The following POLR1E variants were observed in gnomAD, a reference collection of about 807,000 sequenced individuals.
POLR1E encodes the protein RNA polymerase I subunit E.
In POLR1E, 37 loss-of-function variants were observed where a neutral mutation model predicts 50.9. The observed-to-expected ratio is 0.73, with a 90% CI of 0.56 to 0.96. The LOEUF is 0.96. Ranked by LOEUF, POLR1E falls within the 40% of genes least tolerant of loss-of-function variation. POLR1E has a pLI of 0.00. For missense variants in POLR1E, 426 were observed against 518.1 expected, an observed-to-expected ratio of 0.82 and a Z score of 1.73; for synonymous variants, 166 against 191.6, an observed-to-expected ratio of 0.87 and a Z score of 1.10.
chr9:37,496,978 T>C (rs78653449), intron 8 of POLR1E, among the ~76,000 whole-genome samples: 3,844 of 152,248 alleles, frequency 0.025, 66 homozygotes, highest in Middle Eastern at 0.071. Context: ...CATCTCTTAA[T>C]CCAGAAAAAA....
chr9:37,501,586 T>G (rs961608487), intron 10 of POLR1E, 127 bp from the exon 11 acceptor site: 42 of 1,206,636 alleles, frequency 3.5e-5, no homozygotes, highest in Non-Finnish European at 4.8e-5. Flanking sequence ...CACATTCCTT[T>G]TCCTTTCCTG....
intron 2 of POLR1E, 120 bp downstream of exon 2, chr9:37,486,926 A>G: frequency 8.5e-7 from 1 of 1,175,704 alleles, no homozygotes; most frequent in South Asian, 1.6e-5. Flanking sequence ...GGAGCTTTGA[A>G]GAACTCTGAT....
intron 2 of POLR1E, among the ~76,000 whole-genome samples, chr9:37,487,031 C>T (rs1820590037): frequency 6.6e-6 from 1 of 152,236 alleles, no homozygotes; most frequent in Non-Finnish European, 1.5e-5. Flanking sequence ...CATCCCTGTG[C>T]TGCAAGCTTC....
At chr9:37,502,604 CTCTG>C (rs1398158548) in intron 11 of POLR1E, among the ~76,000 whole-genome samples, 1 of 152,226 alleles carries the variant, frequency 6.6e-6, no homozygotes, top group African/African-American at 2.4e-5. Context: ...GTGAACACAC[CTCTG>C]TCTGGACTCT....
In POLR1E at chr9:37,486,283, G is replaced by A. The variant is rs577553448; in HGVS notation, c.76+160G>A. On this transcript the variant is annotated intron_variant, in intron 1 of 11. Transcript: ENST00000377798. ...GGGCTCTGTCAGGGCTCCCCTGTCC[G>A]TCTTTCTGTCACTACCTCCCAGCCA... 4.0e-5 allele frequency: 51 copies of A among 1,273,640 alleles called. 1 individual carries two copies. The South Asian group carries it at 6.5e-4, about 16-fold the overall frequency. 78.9% of individuals were successfully genotyped at this position (1,273,640 alleles called of 1,614,324 possible).
intron 2 of POLR1E, 60 bp downstream of exon 2, chr9:37,486,866 G>A: frequency 6.5e-7 from 1 of 1,542,482 alleles, no homozygotes; most frequent in Non-Finnish European, 8.7e-7. Context: ...CCCTGGGAGT[G>A]GGTGGATGTG....
chr9:37,488,299 G>C (rs1160154042), intron 3 of POLR1E, among the ~76,000 whole-genome samples: 1 of 152,176 alleles, frequency 6.6e-6, no homozygotes, highest in African/African-American at 2.4e-5. Flanking sequence ...AGTGTTGAAG[G>C]CTCTGGACTG....
intron 4 of POLR1E, chr9:37,492,327 A>G: frequency 7.6e-7 from 1 of 1,310,146 alleles, no homozygotes; most frequent in Non-Finnish European, 1.0e-6. Flanking sequence ...AGAGCCAAGG[A>G]CTTGTTTTCT....
At position 37,486,745 on chromosome 9, in the gene POLR1E, G is replaced by C. The variant is rs751337591; in HGVS notation, c.119G>C (p.Arg40Pro). 1 of 1,614,172 alleles carries C rather than the reference G, an allele frequency of 6.2e-7. No homozygotes were observed. The highest frequency in any genetic ancestry group is 8.5e-7 in the Non-Finnish European group (1 of 1,180,030). Reference protein sequence around the residue: ...NGKLQSPGNMRFTLYENKDST... With the variant: ...NGKLQSPGNMPFTLYENKDST... The stretch of plus-strand genomic sequence containing the variant: ...AAGCTACAGAGTCCAGGCAACATGC[G>C]CTTTACCTTGTATGAGAACAAAGAT... The change falls in exon 2 of 12, where the codon CGC (arginine) becomes CCC (proline). Residue 40 changes from arginine (R) to proline (P), a missense_variant. Physicochemically the swap from Arg to Pro is moderately radical, Grantham distance 103 (BLOSUM62 -2). Transcript: ENST00000377798.
At chr9:37,499,112 A>G (rs936596292) in intron 9 of POLR1E, among the ~76,000 whole-genome samples, 1 of 152,222 alleles carries the variant, frequency 6.6e-6, no homozygotes, top group Non-Finnish European at 1.5e-5. Context: ...CAGAAAAGGA[A>G]TAGTAAAACT....
At chr9:37,501,987 GA>G in intron 11 of POLR1E, 143 bp downstream of exon 11, 1 of 846,342 alleles carries the variant, frequency 1.2e-6, no homozygotes, top group Non-Finnish European at 1.8e-6. Flanking sequence ...TATTTTCAAT[GA>G]ATGAATCATT....
At chr9:37,488,377 G>A (rs867937440) in intron 3 of POLR1E, among the ~76,000 whole-genome samples, 1 of 151,972 alleles carries the variant, frequency 6.6e-6, no homozygotes, top group Non-Finnish European at 1.5e-5. Context: ...GTAACTCTGC[G>A]CATCACTGAC....
chr9:37,490,412 A>C (rs990902253), intron 4 of POLR1E: 1 of 750,048 alleles, frequency 1.3e-6, no homozygotes, highest in Non-Finnish European at 2.5e-6. Context: ...TTCATTTTTT[A>C]AACACCTGTC....
intron 3 of POLR1E, 57 bp downstream of exon 3, chr9:37,487,996 A>G (rs746379063): frequency 6.5e-7 from 1 of 1,537,294 alleles, no homozygotes; most frequent in African/African-American, 1.4e-5. Context: ...TGGTGGCAGC[A>G]CTGGCACTGC....
rs1043101257 is a variant in POLR1E at position 37,503,453 on chromosome 9, C to T, written c.*251C>T. 3 of 312,716 alleles carry T rather than the reference C, an allele frequency of 9.6e-6. No individual in the cohort carries two copies. Among genetic ancestry groups the T allele is most frequent in the African/African-American group, 6.4e-5 (3 of 46,810 alleles). The allele number at this position is 312,716 out of a possible 1,614,324, so 19.4% of individuals were successfully genotyped here. ...AAGAGTCAGGCCTGGTGGTGTGCGC[C>T]TGTAATCCCAGCTACTCGGGAGGCT... On this transcript the variant is annotated 3_prime_UTR_variant, in exon 12 of 12. Coordinates refer to ENST00000377798, the MANE Select transcript of POLR1E (RefSeq NM_022490.4).
intron 4 of POLR1E, among the ~76,000 whole-genome samples, chr9:37,491,286 T>C (rs1404833126): frequency 6.6e-6 from 1 of 152,074 alleles, no homozygotes; most frequent in Non-Finnish European, 1.5e-5. Flanking sequence ...GAAAGAAACA[T>C]TGGGAGCATT....
chr9:37,498,288 G>A, intron 9 of POLR1E, 64 bp downstream of exon 9: 1 of 1,478,582 alleles, frequency 6.8e-7, no homozygotes, highest in Non-Finnish European at 9.2e-7. Context: ...GTAATTCTTA[G>A]ATGAGTTCTG....
At chr9:37,494,529 C>G (rs1820750320) in intron 6 of POLR1E, among the ~76,000 whole-genome samples, 1 of 152,154 alleles carries the variant, frequency 6.6e-6, no homozygotes, top group South Asian at 2.1e-4. Flanking sequence ...CCATAACCTC[C>G]TGGGCTCAAG....
chr9:37,501,881 T>C (rs1820898029), intron 11 of POLR1E, 37 bp downstream of exon 11: 3 of 1,587,164 alleles, frequency 1.9e-6, no homozygotes, highest in Non-Finnish European at 2.6e-6. Flanking sequence ...CTGCAGGGTG[T>C]CTCGATGTCT....
Sources: allele counts gnomAD v4.1 joint callset (sites outside exome capture counted in the v4.1 genomes callset), GRCh38; gene constraint gnomAD v4.1.1; transcripts MANE v1.5; gene names NCBI Gene and HGNC (gene_info 2026-07-23, HGNC 2026-07-21).